The following PSMC2 variants were observed in gnomAD, a reference collection of about 807,000 sequenced individuals.
The protein encoded by PSMC2 is 26S proteasome regulatory subunit 7.
In PSMC2, 7 loss-of-function variants were observed where a neutral mutation model predicts 53.3. That is an observed-to-expected ratio of 0.13 (90% CI 0.07 to 0.25). PSMC2 has a LOEUF of 0.25. PSMC2 is among the 10% of genes least tolerant of loss of function. The pLI is 1.00. For synonymous variants in PSMC2, 169 were observed against 183.9 expected (o/e 0.92, Z 0.66); for missense variants, 241 against 544.0 (o/e 0.44, Z 5.54).
chr7:103,357,492 C>T (rs1820104909), intron 4 of PSMC2, among the ~76,000 whole-genome samples: 1 of 151,798 alleles, frequency 6.6e-6, no homozygotes, highest in South Asian at 2.1e-4. Context: ...TTATAGATTC[C>T]TACTTCTTGA....
chr7:103,353,627 G>T (rs1819857164), intron 1 of PSMC2, among the ~76,000 whole-genome samples: 1 of 152,186 alleles, frequency 6.6e-6, no homozygotes, highest in African/African-American at 2.4e-5. Flanking sequence ...TTCATTGTAT[G>T]ACTATGGTAT....
At chr7:103,352,910 T>C (rs1367600308) in intron 1 of PSMC2, 1 of 780,976 alleles carries the variant, frequency 1.3e-6, no homozygotes, top group Non-Finnish European at 2.4e-6. Flanking sequence ...CATCTTCTGG[T>C]CATCTCTGTA....
chr7:103,356,288 TTC>T (rs1465469820), intron 4 of PSMC2, among the ~76,000 whole-genome samples: 3 of 152,178 alleles, frequency 2.0e-5, no homozygotes, highest in Admixed American at 2.0e-4. Flanking sequence ...CTGTAACAAT[TTC>T]TGTTACTATA....
rs527439675 is a variant in PSMC2, at chr7:103,367,878, T to C, written c.1145-19T>C. On this transcript the variant is annotated intron_variant, in intron 11 of 11. Transcript: ENST00000292644. The surrounding 1 kb of genome is among the most constrained non-coding windows in gnomAD (Gnocchi z 6.1). Reference sequence around the variant, plus strand: ...AGGCTGCTTTAATTAAGCCCGTTTATTTTCTTTTTGTTTGAAAGGTGCTGA... The same window carrying C: ...AGGCTGCTTTAATTAAGCCCGTTTACTTTCTTTTTGTTTGAAAGGTGCTGA... The C allele has an allele frequency of 1.6e-5, 25 of 1,611,864 alleles. No homozygotes were observed. The highest frequency in any genetic ancestry group is 2.7e-5 in the African/African-American group (2 of 74,798).
chr7:103,353,341 C>G (rs990733210), intron 1 of PSMC2, among the ~76,000 whole-genome samples: 3 of 152,094 alleles, frequency 2.0e-5, no homozygotes, highest in Admixed American at 1.3e-4. Flanking sequence ...GAGTCTCTCT[C>G]GGTCACCCAG....
In PSMC2 at chr7:103,367,410, C is replaced by G. The variant is rs1470658593; in HGVS notation, c.845-3C>G. On this transcript the variant is annotated splice_polypyrimidine_tract_variant and splice_region_variant and intron_variant, in intron 9 of 11. Transcript: ENST00000292644. This position sits in a 1 kb window ranked among gnomAD's most constrained non-coding sequence, Gnocchi z 6.1. ...GAGCTTATCTTTCCTTTTGTCTTCT[C>G]AGGGGCTCGTTTTGATGATGGTGCT... The G allele has an allele frequency of 6.2e-7, 1 of 1,613,218 alleles. No individual in the cohort carries two copies. Among genetic ancestry groups the G allele is most frequent in the South Asian group, 1.1e-5 (1 of 91,014 alleles).
intron 1 of PSMC2, among the ~76,000 whole-genome samples, chr7:103,349,532 G>A (rs1563481365): frequency 2.0e-5 from 3 of 150,998 alleles, no homozygotes. Context: ...CACTGCAATC[G>A]CTGCCTCCTG....
At chr7:103,361,786 A>G (rs1820430210) in intron 4 of PSMC2, among the ~76,000 whole-genome samples, 171 bp from the exon 5 acceptor site, 1 of 152,236 alleles carries the variant, frequency 6.6e-6, no homozygotes, top group Non-Finnish European at 1.5e-5. Context: ...ACTTGGCTAA[A>G]GTCGAATGGA....
intron 4 of PSMC2, among the ~76,000 whole-genome samples, chr7:103,359,458 A>C (rs1298655642): frequency 1.3e-5 from 2 of 152,058 alleles, no homozygotes; most frequent in African/African-American, 2.4e-5. Context: ...TTGTCACCCC[A>C]AAAACAAACC....
chr7:103,350,149 A>G (rs543812234), intron 1 of PSMC2, among the ~76,000 whole-genome samples: 2 of 152,264 alleles, frequency 1.3e-5, no homozygotes, highest in African/African-American at 4.8e-5. Flanking sequence ...TCTTATAAGC[A>G]TGCTAATATC....
rs551294260 is a variant in PSMC2, at chr7:103,366,229, C to T, written c.844+66C>T. The T allele has an allele frequency of 1.6e-5, 22 of 1,361,416 alleles. No homozygotes were observed. In the South Asian group the frequency reaches 2.0e-4, roughly 13 times the overall value. 84.3% of individuals were successfully genotyped at this position (1,361,416 alleles called of 1,614,324 possible). A position where few individuals can be genotyped will look rare whatever the true frequency, so the allele number is the denominator to read the frequency against. Reference sequence around the variant, plus strand: ...TCATGAAAGCTGTAAAGTGATATGTCGTGATATGTTAATCTTGTACAGAAT... The same window carrying T: ...TCATGAAAGCTGTAAAGTGATATGTTGTGATATGTTAATCTTGTACAGAAT... On this transcript the variant is annotated intron_variant, in intron 9 of 11. Coordinates refer to ENST00000292644, the MANE Select transcript of PSMC2 (RefSeq NM_002803.4).
At chr7:103,359,399 A>G (rs1420786493) in intron 4 of PSMC2, among the ~76,000 whole-genome samples, 1 of 152,120 alleles carries the variant, frequency 6.6e-6, no homozygotes, top group African/African-American at 2.4e-5. Flanking sequence ...TAGAATATCT[A>G]GAAAATTGTG....
intron 1 of PSMC2, among the ~76,000 whole-genome samples, chr7:103,350,496 ATATT>A (rs2116116049): frequency 6.6e-6 from 1 of 152,148 alleles, no homozygotes; most frequent in South Asian, 2.1e-4. Flanking sequence ...TACTATTTAT[ATATT>A]TATTTTTAGA....
rs766216737 is a variant in PSMC2, at chr7:103,367,972, A to G, written c.1220A>G (p.Lys407Arg). The G allele has an allele frequency of 1.2e-6, 2 of 1,614,166 alleles. No individual in the cohort carries two copies. Among genetic ancestry groups the G allele is most frequent in the East Asian group, 2.2e-5 (1 of 44,884 alleles). ...GCACGGCGAAAAATTGCTACCGAGA[A>G]GGATTTCTTGGAAGCTGTAAATAAG... The part of the protein sequence containing the change: ...IRARRKIATE[K>R]DFLEAVNKVI... Residue 407 changes from lysine (K) to arginine (R), a missense_variant, in exon 12 of 12, where the codon AAG becomes AGG. By Grantham distance (26) the Lys-to-Arg change is conservative. Around this residue, in one of 6 missense-constraint regions of PSMC2, gnomAD observed 60 missense variants for 115.8 expected, o/e 0.52. Transcript: ENST00000292644. This position sits in a 1 kb window ranked among gnomAD's most constrained non-coding sequence, Gnocchi z 6.1.
intron 5 of PSMC2, 32 bp downstream of exon 5, chr7:103,362,120 T>A (rs990536096): frequency 6.2e-7 from 1 of 1,610,420 alleles, no homozygotes. Context: ...AATACTTTTC[T>A]TTCACTAAGG....
At position 103,367,594 on chromosome 7, in the gene PSMC2, A is replaced by G. The variant is rs776036941; in HGVS notation, c.1026A>G (p.Glu342=). 3.8e-5 allele frequency: 62 copies of G among 1,614,168 alleles called. 1 individual carries two copies. In the South Asian group the frequency reaches 6.8e-4, roughly 18 times the overall value. The change falls in exon 10 of 12, where the codon GAA becomes GAG. Residue 342 remains glutamate, a synonymous_variant. Coordinates refer to ENST00000292644, the MANE Select transcript of PSMC2 (RefSeq NM_002803.4). This position sits in a 1 kb window ranked among gnomAD's most constrained non-coding sequence, Gnocchi z 6.1. Reference sequence around the variant, plus strand: ...CAGGGAGATTGGATAGAAAAATTGAATTTAGCTTGCCCGATCTAGAGGTAA... The same window carrying G: ...CAGGGAGATTGGATAGAAAAATTGAGTTTAGCTTGCCCGATCTAGAGGTAA... ...MRPGRLDRKI[E]FSLPDLEGRT...
Position 103,369,008 on chromosome 7 carries a change from A to C in PSMC2, c.*954A>C, listed in dbSNP as rs961097976. On this transcript the variant is annotated 3_prime_UTR_variant, in exon 12 of 12. Transcript: ENST00000292644. ...AATTACCCCTTCCCCCAATGCCAAG[A>C]CCAAAGCACAATAATGAATATTTTT... is the stretch of plus-strand genomic sequence containing the variant. The C allele has an allele frequency of 1.3e-5, 2 of 152,170 alleles. No homozygotes were observed. Among genetic ancestry groups the C allele is most frequent in the Non-Finnish European group, 2.9e-5 (2 of 68,028 alleles). The allele number at this position is 152,170 out of a possible 1,614,324, so 9.4% of individuals were successfully genotyped here.
At chr7:103,359,017 T>G (rs988551123) in intron 4 of PSMC2, among the ~76,000 whole-genome samples, 1 of 151,642 alleles carries the variant, frequency 6.6e-6, no homozygotes, top group African/African-American at 2.4e-5. Context: ...AAGGTCTCAC[T>G]TTGTTACCAA....
rs1406030728 is a variant in PSMC2 at position 103,367,638 on chromosome 7, G to A, written c.1047+23G>A. 6.2e-7 allele frequency: 1 copy of A among 1,609,818 alleles called. No homozygotes were observed. Among genetic ancestry groups the A allele is most frequent in the Admixed American group, 1.7e-5 (1 of 59,182 alleles). On this transcript the variant is annotated intron_variant, in intron 10 of 11. Coordinates refer to ENST00000292644, the MANE Select transcript of PSMC2 (RefSeq NM_002803.4). This position sits in a 1 kb window ranked among gnomAD's most constrained non-coding sequence, Gnocchi z 6.1. Reference sequence around the variant, plus strand: ...GAGGTAAGAAAACCATTTCATTTTAGGAAAGGGATTTTTGAAGTTTTTTCT... The same window carrying A: ...GAGGTAAGAAAACCATTTCATTTTAAGAAAGGGATTTTTGAAGTTTTTTCT...
Sources: allele counts gnomAD v4.1 joint callset (sites outside exome capture counted in the v4.1 genomes callset), GRCh38; gene constraint gnomAD v4.1.1; regional missense constraint gnomAD v4.1.1; non-coding constraint Gnocchi (gnomAD v3.1); transcripts MANE v1.5; gene names NCBI Gene and HGNC (gene_info 2026-07-23, HGNC 2026-07-21).